VARS2: variants seen among roughly 807,000 people sequenced by gnomAD.
VARS2 encodes the protein valine--tRNA ligase, mitochondrial.
A neutral mutation model predicts 154.1 loss-of-function variants in VARS2; 105 were observed. That is an observed-to-expected ratio of 0.68 (90% CI 0.58 to 0.80). The LOEUF (loss-of-function observed/expected upper bound fraction) is 0.80. Ranked by LOEUF, VARS2 falls within the 30% of genes least tolerant of loss-of-function variation. VARS2 has a pLI of 0.00. For synonymous variants in VARS2, 483 were observed against 539.5 expected (o/e 0.90, Z 1.45); for missense variants, 1,157 against 1,361.4 (o/e 0.85, Z 2.36).
In VARS2 at chr6:30,919,034, C is replaced by CAGGAAA; in HGVS notation, c.1074+121_1074+122insGAAAAG. ...TACTTCCTTTTCCTGAGACTTCTCT[C>CAGGAAA]AGTGGTTCTGATTGGACTCCCTCCT... On this transcript the variant is annotated intron_variant, in intron 11 of 29. Transcript: ENST00000676266. This position sits in a 1 kb window ranked among gnomAD's most constrained non-coding sequence, Gnocchi z 4.5. 1.1e-6 allele frequency: 1 copy of CAGGAAA among 927,930 alleles called. No homozygotes were observed. The highest frequency in any genetic ancestry group is 1.7e-6 in the Non-Finnish European group (1 of 598,772). The allele number at this position is 927,930 out of a possible 1,614,324, so 57.5% of individuals were successfully genotyped here.
chr6:30,916,311 CACT>C lies in VARS2; in HGVS notation c.671+64_671+66del. 1.5e-6 allele frequency: 2 copies of C among 1,368,502 alleles called. No homozygotes were observed. Among genetic ancestry groups the C allele is most frequent in the Non-Finnish European group, 2.0e-6 (2 of 990,808 alleles). 84.8% of individuals were successfully genotyped at this position (1,368,502 alleles called of 1,614,324 possible). A position where few individuals can be genotyped will look rare whatever the true frequency, so the allele number is the denominator to read the frequency against. On this transcript the variant is annotated intron_variant, in intron 7 of 29. Transcript: ENST00000676266. The surrounding 1 kb of genome is among the most constrained non-coding windows in gnomAD (Gnocchi z 4.0). ...GCAGATTTGGTTTCTTGCCTCCCAC[CACT>C]ATCACTCCTGACTTGTAATCCTTGG...
rs1403786366 is a variant in VARS2, at chr6:30,914,243, C to G, written c.-129C>G. ...CATGCGCCGGCCGGGGCCCCGCCCCCATGCGCCGCGCGGCTCCAGGGCCAC... is the reference window on the plus strand; with the variant it reads ...CATGCGCCGGCCGGGGCCCCGCCCCGATGCGCCGCGCGGCTCCAGGGCCAC... On this transcript the variant is annotated 5_prime_UTR_variant, in exon 1 of 30. Transcript: ENST00000676266. 2 of 714,860 alleles carry G rather than the reference C, an allele frequency of 2.8e-6. No individual in the cohort carries two copies. The highest frequency in any genetic ancestry group is 3.9e-6 in the Non-Finnish European group (2 of 513,880). The allele number at this position is 714,860 out of a possible 1,614,324, so 44.3% of individuals were successfully genotyped here.
At chr6:30,914,470 G>A in intron 1 of VARS2, 126 bp downstream of exon 1, 5 of 1,328,474 alleles carry the variant, frequency 3.8e-6, no homozygotes, top group Non-Finnish European at 4.8e-6. Context: ...CCCTGTGCAG[G>A]TGGAGATCGC....
chr6:30,920,558 T>C lies in VARS2; in HGVS notation c.1398-110T>C, dbSNP rs1389708612. The C allele has an allele frequency of 7.4e-7, 1 of 1,350,876 alleles. No individual in the cohort carries two copies. Among genetic ancestry groups the C allele is most frequent in the Non-Finnish European group, 1.0e-6 (1 of 998,334 alleles). 83.7% of individuals were successfully genotyped at this position (1,350,876 alleles called of 1,614,324 possible). A position where few individuals can be genotyped will look rare whatever the true frequency, so the allele number is the denominator to read the frequency against. On this transcript the variant is annotated intron_variant, in intron 14 of 29. Transcript: ENST00000676266. This position sits in a 1 kb window ranked among gnomAD's most constrained non-coding sequence, Gnocchi z 4.6. Reference sequence around the variant, plus strand: ...GAATACGAGCTCCGTGTCGGTTTTATTCGCTATTGTATCCTCAGTACCAAG... The same window carrying C: ...GAATACGAGCTCCGTGTCGGTTTTACTCGCTATTGTATCCTCAGTACCAAG...
At position 30,916,937 on chromosome 6, in the gene VARS2, G is replaced by T; in HGVS notation, c.731G>T (p.Arg244Leu). The change falls in exon 8 of 30, where the codon CGA (arginine) becomes CTA (leucine). Residue 244 changes from arginine to leucine, a missense_variant. Physicochemically the swap from Arg to Leu is moderately radical, Grantham distance 102. Transcript: ENST00000676266. This position sits in a 1 kb window ranked among gnomAD's most constrained non-coding sequence, Gnocchi z 4.0. ...RALGASLDWDRECFTMDVGSS... is the reference protein window; with the variant it reads ...RALGASLDWDLECFTMDVGSS... ...CTGGGTGCCTCCCTGGACTGGGATC[G>T]AGAGTGTTTTACCATGGATGTTGTG... is the stretch of plus-strand genomic sequence containing the variant. The T allele has an allele frequency of 6.2e-7, 1 of 1,614,180 alleles. No individual in the cohort carries two copies. The highest frequency in any genetic ancestry group is 2.2e-5 in the East Asian group (1 of 44,878).
chr6:30,918,822 T>G lies in VARS2; in HGVS notation c.986-5T>G. 3 of 1,612,892 alleles carry G rather than the reference T, an allele frequency of 1.9e-6. No individual in the cohort carries two copies. Among genetic ancestry groups the G allele is most frequent in the Non-Finnish European group, 2.5e-6 (3 of 1,179,922 alleles). On this transcript the variant is annotated splice_polypyrimidine_tract_variant and splice_region_variant and intron_variant, in intron 10 of 29. Transcript: ENST00000676266. ...AGCTGTAAGTGTTTAAATGTTTATC[T>G]TCAGATGCAGAGGTTGTGGTAGGAA...
Position 30,921,138 on chromosome 6 carries a change from T to C in VARS2, c.1553T>C (p.Ile518Thr), listed in dbSNP as rs1446049456. The C allele has an allele frequency of 2.5e-6, 4 of 1,613,890 alleles. No homozygotes were observed. In the South Asian group the frequency reaches 3.3e-5, roughly 13 times the overall value. Reference protein sequence around the residue: ...QKNWQHWFSHIGDWCVSRQLW... With the variant: ...QKNWQHWFSHTGDWCVSRQLW... The stretch of plus-strand genomic sequence containing the variant: ...AACTGGCAGCACTGGTTTTCCCATA[T>C]TGGGTAAGGGTAGGGTAAGGGGAGC... The change falls in exon 16 of 30, where the codon ATT becomes ACT. Residue 518 changes from isoleucine (I) to threonine (T), a missense_variant. Physicochemically the swap from Ile to Thr is moderately conservative, Grantham distance 89 (BLOSUM62 -1). Transcript: ENST00000676266. This position sits in a 1 kb window ranked among gnomAD's most constrained non-coding sequence, Gnocchi z 4.6.
chr6:30,919,723 G>C lies in VARS2; in HGVS notation c.1075-35G>C, dbSNP rs978447592. 6.6e-7 allele frequency: 1 copy of C among 1,503,798 alleles called. No individual in the cohort carries two copies. The highest frequency in any genetic ancestry group is 8.9e-7 in the Non-Finnish European group (1 of 1,118,520). The allele number at this position is 1,503,798 out of a possible 1,614,324, so 93.2% of individuals were successfully genotyped here. On this transcript the variant is annotated intron_variant, in intron 11 of 29. Transcript: ENST00000676266. The surrounding 1 kb of genome is among the most constrained non-coding windows in gnomAD (Gnocchi z 4.5). Reference sequence around the variant, plus strand: ...AGCCCAGACCCTTCCAACCCTCACAGGTGCCTGTCCTTGATCCCTCTCCCT... The same window carrying C: ...AGCCCAGACCCTTCCAACCCTCACACGTGCCTGTCCTTGATCCCTCTCCCT...
chr6:30,918,762 A>G lies in VARS2; in HGVS notation c.986-65A>G. The G allele has an allele frequency of 2.5e-6, 3 of 1,192,668 alleles. 1 individual carries two copies. The South Asian group carries it at 3.9e-5, about 16-fold the overall frequency. The allele number at this position is 1,192,668 out of a possible 1,614,324, so 73.9% of individuals were successfully genotyped here. On this transcript the variant is annotated intron_variant, in intron 10 of 29. Transcript: ENST00000676266. Reference sequence around the variant, plus strand: ...TCCCCTTTCCAGTTCTACTGCCTTTAGCTATGTTGGCAGTGAGAGGTGAGG... The same window carrying G: ...TCCCCTTTCCAGTTCTACTGCCTTTGGCTATGTTGGCAGTGAGAGGTGAGG...
chr6:30,924,113 C>T lies in VARS2; in HGVS notation c.2467-241C>T, dbSNP rs534212709. 1.2e-4 allele frequency: 68 copies of T among 579,042 alleles called. No homozygotes were observed. In the South Asian group the frequency reaches 1.3e-3, roughly 11 times the overall value. 35.9% of individuals were successfully genotyped at this position (579,042 alleles called of 1,614,324 possible). A position where few individuals can be genotyped will look rare whatever the true frequency, so the allele number is the denominator to read the frequency against. ...AGCAAAAAACTCAATGATTTTTTTC[C>T]CTAAACTACATGTTTCCCTGGAAAT... On this transcript the variant is annotated intron_variant, in intron 25 of 29. Coordinates refer to ENST00000676266, the MANE Select transcript of VARS2 (RefSeq NM_020442.6).
rs781047809 is a variant in VARS2, at chr6:30,923,218, A to G, written c.2300A>G (p.Gln767Arg). The change falls in exon 24 of 30, where the codon CAG becomes CGG. Residue 767 changes from glutamine (Q) to arginine (R), a missense_variant. Gln to Arg is a conservative substitution (Grantham distance 43, BLOSUM62 1). Transcript: ENST00000676266. ...LNALGEKFVP[Q>R]PAEELSPSSP... is the part of the protein sequence containing the mutation. ...GCTTTAGGGGAGAAATTTGTGCCACAGCCTGCTGAGGAGGTAAGAGAAAAC... is the reference window on the plus strand; with the variant it reads ...GCTTTAGGGGAGAAATTTGTGCCACGGCCTGCTGAGGAGGTAAGAGAAAAC... 7.5e-5 allele frequency: 121 copies of G among 1,613,012 alleles called. No homozygotes were observed. The highest frequency in any genetic ancestry group is 9.9e-5 in the Non-Finnish European group (117 of 1,180,042).
chr6:30,914,617 CT>C (rs1393894705), intron 1 of VARS2, 192 bp from the exon 2 acceptor site: 36 of 1,152,504 alleles, frequency 3.1e-5, no homozygotes, highest in Admixed American at 9.4e-5. Context: ...CGGAAGAGCC[CT>C]GATATCCGTG....
chr6:30,925,868 G>C lies in VARS2; in HGVS notation c.2962-12G>C. 6.2e-7 allele frequency: 1 copy of C among 1,612,422 alleles called. No homozygotes were observed. Among genetic ancestry groups the C allele is most frequent in the South Asian group, 1.1e-5 (1 of 91,056 alleles). On this transcript the variant is annotated splice_polypyrimidine_tract_variant and intron_variant, in intron 28 of 29. Coordinates refer to ENST00000676266, the MANE Select transcript of VARS2 (RefSeq NM_020442.6). ...GCGGATGTCTGAGCCTTTTCTCCCTGTTCTTCCCCAGGGCCTGGTGGACCC... is the reference window on the plus strand; with the variant it reads ...GCGGATGTCTGAGCCTTTTCTCCCTCTTCTTCCCCAGGGCCTGGTGGACCC...
Position 30,919,996 on chromosome 6 carries a change from G to A in VARS2, c.1166-93G>A, listed in dbSNP as rs112703886. 272 of 1,500,472 alleles carry A rather than the reference G, an allele frequency of 1.8e-4. No individual in the cohort carries two copies. The African/African-American group carries it at 3.2e-3, about 18-fold the overall frequency. 92.9% of individuals were successfully genotyped at this position (1,500,472 alleles called of 1,614,324 possible). On this transcript the variant is annotated intron_variant, in intron 12 of 29. Coordinates refer to ENST00000676266, the MANE Select transcript of VARS2 (RefSeq NM_020442.6). The surrounding 1 kb of genome is among the most constrained non-coding windows in gnomAD (Gnocchi z 4.5). ...GAGGGAGGCACAGACAGAGAAAGTC[G>A]CAGGGGCTGGGGCGGTGCAGGTGAT... is the stretch of plus-strand genomic sequence containing the variant.
At chr6:30,923,606 T>G in intron 25 of VARS2, 101 bp downstream of exon 25, 10 of 1,478,932 alleles carry the variant, frequency 6.8e-6, no homozygotes, top group East Asian at 2.3e-5. Context: ...TTCCCAATTG[T>G]CCCCTCAGTT....
Position 30,922,453 on chromosome 6 carries a change from C to T in VARS2, c.1936C>T (p.Leu646Phe). The T allele has an allele frequency of 6.2e-7, 1 of 1,605,992 alleles. No homozygotes were observed. The highest frequency in any genetic ancestry group is 1.7e-5 in the Admixed American group (1 of 58,720). Residue 646 changes from leucine (L) to phenylalanine (F), a missense_variant, in exon 21 of 30, where the codon CTT (leucine) becomes TTT (phenylalanine). By Grantham distance (22) the Leu-to-Phe change is conservative. Transcript: ENST00000676266. Reference protein sequence around the residue: ...LTGQLPFSKVLLHPMVRDRQG... With the variant: ...LTGQLPFSKVFLHPMVRDRQG... ...GTTGACCCCTCCCTGCCCCCAGGTG[C>T]TTCTTCATCCCATGGTTCGGGACAG... is the stretch of plus-strand genomic sequence containing the variant.
Position 30,923,189 on chromosome 6 carries a change from C to T in VARS2, c.2271C>T (p.Leu757=), listed in dbSNP as rs778575297. 8.7e-6 allele frequency: 14 copies of T among 1,613,088 alleles called. No homozygotes were observed. In the East Asian group the frequency reaches 2.9e-4, roughly 33 times the overall value. The change falls in exon 24 of 30, where the codon CTC becomes CTT. Residue 757 remains leucine (L), a synonymous_variant. Transcript: ENST00000676266. ...TCTGGAATGCTCTTCGCTTTATCCT[C>T]AATGCTTTAGGGGAGAAATTTGTGC... ...NKIWNALRFI[L]NALGEKFVPQ... is the part of the protein sequence containing the mutation.
Position 30,921,511 on chromosome 6 carries a change from A to C in VARS2, c.1633-78A>C. 6.6e-7 allele frequency: 1 copy of C among 1,518,098 alleles called. No homozygotes were observed. The highest frequency in any genetic ancestry group is 9.0e-7 in the Non-Finnish European group (1 of 1,115,878). 94.0% of individuals were successfully genotyped at this position (1,518,098 alleles called of 1,614,324 possible). ...AACCTGGCCACTCTAAGACCACATG[A>C]GGACGTGAAAACCAAGTGACATTTA... is the stretch of plus-strand genomic sequence containing the variant. On this transcript the variant is annotated intron_variant, in intron 17 of 29. Coordinates refer to ENST00000676266, the MANE Select transcript of VARS2 (RefSeq NM_020442.6). This position sits in a 1 kb window ranked among gnomAD's most constrained non-coding sequence, Gnocchi z 4.6.
rs1244836047 is a variant in VARS2, at chr6:30,923,179, G to A, written c.2261G>A (p.Arg754His). The A allele has an allele frequency of 1.2e-5, 19 of 1,612,980 alleles. No individual in the cohort carries two copies. The highest frequency in any genetic ancestry group is 1.6e-4 in the Middle Eastern group (1 of 6,084). The change falls in exon 24 of 30, where the codon CGC (arginine) becomes CAC (histidine). Residue 754 changes from arginine (R) to histidine (H), a missense_variant. Physicochemically the swap from Arg to His is conservative, Grantham distance 29. Transcript: ENST00000676266. Reference protein sequence around the residue: ...HFCNKIWNALRFILNALGEKF... With the variant: ...HFCNKIWNALHFILNALGEKF... ...TGCAACAAGATCTGGAATGCTCTTC[G>A]CTTTATCCTCAATGCTTTAGGGGAG... is the stretch of plus-strand genomic sequence containing the variant.
Sources: allele counts gnomAD v4.1 joint callset, GRCh38; gene constraint gnomAD v4.1.1; non-coding constraint Gnocchi (gnomAD v3.1); transcripts MANE v1.5; gene names NCBI Gene and HGNC (gene_info 2026-07-23, HGNC 2026-07-21).